SEMA3A: variants seen among roughly 807,000 people sequenced by gnomAD.
The protein encoded by SEMA3A is semaphorin 3A, also known as semaphorin-3A.
Under a neutral mutation model 97.9 loss-of-function variants are expected in SEMA3A, and 29 were observed. The observed-to-expected ratio is 0.30, with a 90% CI of 0.22 to 0.40. The LOEUF is 0.40. SEMA3A is among the 10% of genes least tolerant of loss of function. SEMA3A has a pLI of 1.00. For synonymous variants in SEMA3A, 321 were observed against 323.7 expected, an observed-to-expected ratio of 0.99 and a Z score of 0.09; for missense variants, 763 against 951.3, an observed-to-expected ratio of 0.80 and a Z score of 2.60.
chr7:84,131,468 T>C (rs1188682115), intron 2 of SEMA3A, among the ~76,000 whole-genome samples: 15 of 152,190 alleles, frequency 9.9e-5, no homozygotes, highest in Admixed American at 9.8e-4. Flanking sequence ...ACACATGTTA[T>C]ATAATAAGCA....
At chr7:84,181,766 TA>T (rs1184979770) in intron 1 of SEMA3A, among the ~76,000 whole-genome samples, 1 of 152,176 alleles carries the variant, frequency 6.6e-6, no homozygotes, top group Non-Finnish European at 1.5e-5. Context: ...GTTTTTAAGC[TA>T]AAACTATACC....
At chr7:84,105,712 T>A (rs1795089631) in intron 4 of SEMA3A, among the ~76,000 whole-genome samples, 1 of 152,148 alleles carries the variant, frequency 6.6e-6, no homozygotes, top group Admixed American at 6.5e-5. Context: ...TTTGTTTTAT[T>A]AACAGATGTA....
At chr7:84,399,475 C>A in intron 1 of SEMA3A, among the ~76,000 whole-genome samples, 1 of 152,090 alleles carries the variant, frequency 6.6e-6, no homozygotes, top group East Asian at 1.9e-4. Context: ...CCTATGCCAC[C>A]CCTCCCCCAA....
intron 16 of SEMA3A, 109 bp from the exon 17 acceptor site, chr7:83,961,935 A>G (rs2116250521): frequency 1.4e-6 from 1 of 730,586 alleles, no homozygotes; most frequent in East Asian, 2.9e-5. Context: ...GCACATTTTA[A>G]CAGTTAATAA....
chr7:84,313,435 C>T (rs1319665346), intron 2 of SEMA3A, among the ~76,000 whole-genome samples: 2 of 135,342 alleles, frequency 1.5e-5, no homozygotes, highest in Non-Finnish European at 3.1e-5. Flanking sequence ...ATAAGAGAGT[C>T]TTTCTTGGCT....
intron 3 of SEMA3A, among the ~76,000 whole-genome samples, chr7:84,279,885 T>A (rs769239922): frequency 4.6e-5 from 7 of 152,108 alleles, no homozygotes; most frequent in Non-Finnish European, 1.0e-4. Flanking sequence ...CATATTCATA[T>A]ATTTTTATTT....
chr7:84,470,423 G>T (rs1008346146), intron 1 of SEMA3A, among the ~76,000 whole-genome samples: 1 of 152,078 alleles, frequency 6.6e-6, no homozygotes, highest in East Asian at 1.9e-4. Flanking sequence ...TCTGTGAACA[G>T]AAGAAGACAG....
intron 2 of SEMA3A, among the ~76,000 whole-genome samples, chr7:84,361,635 A>G (rs559013865): frequency 6.6e-6 from 1 of 152,192 alleles, no homozygotes; most frequent in Admixed American, 6.6e-5. Flanking sequence ...ACTCCTAATT[A>G]CTAATGATAC....
At chr7:84,253,453 G>T (rs975340551) in intron 3 of SEMA3A, among the ~76,000 whole-genome samples, 11 of 151,952 alleles carry the variant, frequency 7.2e-5, no homozygotes, top group Admixed American at 4.6e-4. Context: ...AATGAGGTCA[G>T]TTTTGTAGAG....
At chr7:84,434,910 A>G (rs1805085496) in intron 1 of SEMA3A, among the ~76,000 whole-genome samples, 1 of 151,836 alleles carries the variant, frequency 6.6e-6, no homozygotes, top group Admixed American at 6.5e-5. Flanking sequence ...CATCATGAAC[A>G]GGCAAAAACT....
chr7:84,070,257 C>T (rs1471514135), intron 4 of SEMA3A, among the ~76,000 whole-genome samples: 4 of 152,094 alleles, frequency 2.6e-5, no homozygotes, highest in Admixed American at 6.6e-5. Context: ...CAGTTTTCAA[C>T]GACTGTTTTT....
intron 1 of SEMA3A, among the ~76,000 whole-genome samples, chr7:84,462,912 A>T (rs1020522977): frequency 5.9e-5 from 9 of 152,268 alleles, no homozygotes; most frequent in Admixed American, 5.9e-4. Flanking sequence ...TCCAGGGAGA[A>T]ACATGTCTGA....
chr7:84,231,066 T>G (rs2116356411), intron 3 of SEMA3A, among the ~76,000 whole-genome samples: 1 of 152,050 alleles, frequency 6.6e-6, no homozygotes, highest in South Asian at 2.1e-4. Flanking sequence ...TTCAAAAAAT[T>G]TCCTCATCTG....
rs563096792 is a variant in SEMA3A, at chr7:84,287,032, TCA to T, written c.-83+20173_-83+20174del. On this transcript the variant is annotated intron_variant, in intron 3 of 3. Coordinates refer to the SEMA3A transcript ENST00000424555. ...CAAGGAATTACTTTATGTGTTTGAC[TCA>T]CTATGCTTCATATCATAGTCAGGCT... is the stretch of plus-strand genomic sequence containing the variant. Among the ~76,000 whole-genome samples, 434 of 152,246 alleles carry T rather than the reference TCA, an allele frequency of 2.9e-3. 4 individuals carry two copies. Among genetic ancestry groups the T allele is most frequent in the African/African-American group, 0.01 (421 of 41,570 alleles).
At chr7:84,001,052 A>AACTTCTTCTAATACGTGTTTTTT (rs1273097418) in intron 12 of SEMA3A, among the ~76,000 whole-genome samples, 1 of 138,110 alleles carries the variant, frequency 7.2e-6, no homozygotes, top group East Asian at 2.0e-4. Flanking sequence ...TCTGTCTACC[A>AACTTCTTCTAATACGTGTTTTTT]ACTTCTTCTA....
chr7:84,141,424 T>A, intron 1 of SEMA3A, among the ~76,000 whole-genome samples: 1 of 152,172 alleles, frequency 6.6e-6, no homozygotes, highest in East Asian at 1.9e-4. Context: ...AATGTCTCTA[T>A]CCATGAATTT....
intron 1 of SEMA3A, among the ~76,000 whole-genome samples, chr7:84,140,021 T>C (rs1178092807): frequency 1.3e-5 from 2 of 152,062 alleles, no homozygotes; most frequent in African/African-American, 2.4e-5. Flanking sequence ...GAGAAATTGA[T>C]AGCAATCACC....
At chr7:84,078,451 C>G (rs187612407) in intron 4 of SEMA3A, among the ~76,000 whole-genome samples, 1 of 152,142 alleles carries the variant, frequency 6.6e-6, no homozygotes, top group Admixed American at 6.6e-5. Context: ...TGCAACCCCT[C>G]TAAACCATTG....
intron 12 of SEMA3A, among the ~76,000 whole-genome samples, chr7:83,997,455 A>G (rs1790266883): frequency 6.6e-6 from 1 of 152,160 alleles, no homozygotes; most frequent in South Asian, 2.1e-4. Context: ...CAATTGCTAG[A>G]CCACAATATA....
Sources: gnomAD v4.1 joint callset for allele counts (sites outside exome capture counted in the v4.1 genomes callset) on GRCh38, gnomAD v4.1.1 for gene constraint, MANE v1.5 for transcripts, NCBI Gene and HGNC (gene_info 2026-07-23, HGNC 2026-07-21) for gene names.